KCTD8: variants seen among roughly 807,000 people sequenced by gnomAD.
KCTD8 encodes the protein potassium channel tetramerization domain containing 8.
KCTD8 carries 27 observed loss-of-function variants against 31.5 expected under a neutral mutation model. The observed-to-expected ratio is 0.86, with a 90% CI of 0.63 to 1.18. KCTD8 has a LOEUF of 1.18. Among genes scored for constraint, KCTD8 ranks in the 50% most tolerant of loss-of-function variants. KCTD8 has a pLI of 0.00. For missense variants in KCTD8, 658 were observed against 647.7 expected, an observed-to-expected ratio of 1.02 and a Z score of -0.17; for synonymous variants, 290 against 280.0, an observed-to-expected ratio of 1.04 and a Z score of -0.36.
rs559338089 is a variant in KCTD8, at chr4:44,343,468, T to A, written c.961+104095A>T. 4.6e-5 allele frequency among the ~76,000 whole-genome samples: 7 copies of A among 152,212 alleles called. No individual in the cohort carries two copies. In the East Asian group the frequency reaches 5.8e-4, roughly 13 times the overall value. On this transcript the variant is annotated intron_variant, in intron 1 of 1. Coordinates refer to ENST00000360029, the MANE Select transcript of KCTD8 (RefSeq NM_198353.3). The stretch of plus-strand genomic sequence containing the variant: ...CAGATCACTAAAACAGATATAATAA[T>A]ATTGAAAAAGTCAGAAATATTGAGA...
intron 1 of KCTD8, among the ~76,000 whole-genome samples, chr4:44,286,460 C>T (rs1489932198): frequency 6.6e-6 from 1 of 152,062 alleles, no homozygotes; most frequent in African/African-American, 2.4e-5. Context: ...TTGCCTCTAC[C>T]TTCAAAATGG....
chr4:44,285,352 C>A (rs1450257113), intron 1 of KCTD8, among the ~76,000 whole-genome samples: 1 of 152,080 alleles, frequency 6.6e-6, no homozygotes, highest in Non-Finnish European at 1.5e-5. Flanking sequence ...AACCATCATT[C>A]TCAGCAAACT....
intron 1 of KCTD8, among the ~76,000 whole-genome samples, chr4:44,340,979 A>T (rs560738970): frequency 6.6e-6 from 1 of 152,136 alleles, no homozygotes; most frequent in South Asian, 2.1e-4. Flanking sequence ...TACTGACTGT[A>T]AACAATACCA....
intron 1 of KCTD8, among the ~76,000 whole-genome samples, chr4:44,270,029 T>A (rs1716531513): frequency 6.6e-6 from 1 of 152,100 alleles, no homozygotes; most frequent in African/African-American, 2.4e-5. Flanking sequence ...GACCCAGCCA[T>A]CCCGTTACTG....
At chr4:44,190,103 T>A (rs1713719661) in intron 1 of KCTD8, among the ~76,000 whole-genome samples, 1 of 152,192 alleles carries the variant, frequency 6.6e-6, no homozygotes, top group Non-Finnish European at 1.5e-5. Flanking sequence ...ATCTCTAATC[T>A]TTATATCCTT....
chr4:44,176,281 G>A (rs1713212324), intron 1 of KCTD8, among the ~76,000 whole-genome samples: 1 of 152,202 alleles, frequency 6.6e-6, no homozygotes, highest in Admixed American at 6.5e-5. Context: ...TGCAGCCAGA[G>A]TTGAGAACAA....
chr4:44,296,426 A>T (rs1469619451), intron 1 of KCTD8, among the ~76,000 whole-genome samples: 1 of 151,614 alleles, frequency 6.6e-6, no homozygotes, highest in Non-Finnish European at 1.5e-5. Context: ...ACAGTGTCAC[A>T]TGTGTTAATT....
intron 1 of KCTD8, among the ~76,000 whole-genome samples, chr4:44,425,178 A>G (rs766755558): frequency 2.0e-5 from 3 of 152,068 alleles, no homozygotes; most frequent in Non-Finnish European, 4.4e-5. Flanking sequence ...AGTCTGTGGT[A>G]CTTTGTTAAG....
intron 1 of KCTD8, among the ~76,000 whole-genome samples, chr4:44,331,518 G>T (rs1340319523): frequency 1.3e-5 from 2 of 151,596 alleles, no homozygotes; most frequent in Non-Finnish European, 3.0e-5. Flanking sequence ...TTAACAAGAA[G>T]ACACTGTTCT....
chr4:44,193,454 T>A (rs1313779249), intron 1 of KCTD8, among the ~76,000 whole-genome samples: 1 of 152,150 alleles, frequency 6.6e-6, no homozygotes, highest in Non-Finnish European at 1.5e-5. Flanking sequence ...AAAATGGTGT[T>A]AAAACCAGCT....
At chr4:44,396,633 A>G (rs1019968959) in intron 1 of KCTD8, among the ~76,000 whole-genome samples, 9 of 152,060 alleles carry the variant, frequency 5.9e-5, no homozygotes, top group African/African-American at 2.2e-4. Flanking sequence ...GCTGATTAAC[A>G]TCTAAGAAAA....
chr4:44,200,921 C>A (rs966307782), intron 1 of KCTD8, among the ~76,000 whole-genome samples: 1 of 151,480 alleles, frequency 6.6e-6, no homozygotes, highest in Non-Finnish European at 1.5e-5. Context: ...AAAGACTCTG[C>A]CAAAAGGCTC....
intron 1 of KCTD8, among the ~76,000 whole-genome samples, chr4:44,298,297 A>G (rs1036037551): frequency 2.6e-5 from 4 of 151,998 alleles, no homozygotes; most frequent in African/African-American, 9.7e-5. Context: ...CGGAATTGGG[A>G]GATGATATGT....
chr4:44,428,516 T>C (rs1721400674), intron 1 of KCTD8, among the ~76,000 whole-genome samples: 2 of 151,746 alleles, frequency 1.3e-5, no homozygotes. Flanking sequence ...AAGTACTGAT[T>C]AGTGTTATCA....
chr4:44,301,839 C>A (rs1717633441), intron 1 of KCTD8, among the ~76,000 whole-genome samples: 1 of 152,200 alleles, frequency 6.6e-6, no homozygotes, highest in East Asian at 1.9e-4. Flanking sequence ...TCTAGGGTTT[C>A]TATGGTTTTA....
intron 1 of KCTD8, among the ~76,000 whole-genome samples, chr4:44,332,891 G>A (rs1718626919): frequency 6.6e-6 from 1 of 151,932 alleles, no homozygotes; most frequent in Non-Finnish European, 1.5e-5. Flanking sequence ...GATGTCAGTT[G>A]TGACAACCAA....
At chr4:44,400,310 C>A (rs1033864408) in intron 1 of KCTD8, among the ~76,000 whole-genome samples, 4 of 151,990 alleles carry the variant, frequency 2.6e-5, no homozygotes, top group Non-Finnish European at 5.9e-5. Context: ...CATCTCCTTT[C>A]TCAATGCTGC....
intron 1 of KCTD8, among the ~76,000 whole-genome samples, chr4:44,385,200 T>C (rs1720177783): frequency 6.6e-6 from 1 of 151,610 alleles, no homozygotes; most frequent in African/African-American, 2.4e-5. Context: ...GACATTTTAT[T>C]CAGAAAAATT....
At chr4:44,376,925 T>A (rs1164901169) in intron 1 of KCTD8, among the ~76,000 whole-genome samples, 1 of 152,150 alleles carries the variant, frequency 6.6e-6, no homozygotes, top group Non-Finnish European at 1.5e-5. Context: ...ATCACTGGGT[T>A]GGTTGAGTAC....
Sources: gnomAD v4.1 joint callset for allele counts (sites outside exome capture counted in the v4.1 genomes callset) on GRCh38, gnomAD v4.1.1 for gene constraint, MANE v1.5 for transcripts, NCBI Gene and HGNC (gene_info 2026-07-23, HGNC 2026-07-21) for gene names.